The following YIPF4 variants were observed in gnomAD, a reference collection of about 807,000 sequenced individuals.
The protein encoded by YIPF4 is protein YIPF4.
A neutral mutation model predicts 29.4 loss-of-function variants in YIPF4; 18 were observed. That is an observed-to-expected ratio of 0.61 (90% CI 0.42 to 0.91). The LOEUF is 0.91. YIPF4 is among the 40% of genes least tolerant of loss of function. The probability of loss-of-function intolerance (pLI) is 0.00; values close to 1 mark genes in which losing one functional copy is unlikely to be tolerated. For missense variants in YIPF4, 279 were observed against 282.7 expected (o/e 0.99, Z 0.09); for synonymous variants, 115 against 104.7 (o/e 1.10, Z -0.60).
At chr2:32,279,394 C>CTTTTTTT (rs35036420) in intron 1 of YIPF4, among the ~76,000 whole-genome samples, 2 of 98,744 alleles carry the variant, frequency 2.0e-5, no homozygotes, top group African/African-American at 4.1e-5. Context: ...CTAGATTTTC[C>CTTTTTTT]TTTTTTTTTT....
In YIPF4 at chr2:32,302,109, TA is replaced by T. The variant is rs553993820; in HGVS notation, c.597+616del. Among the ~76,000 whole-genome samples, 65 of 151,496 alleles carry T rather than the reference TA, an allele frequency of 4.3e-4. No individual in the cohort carries two copies. In the South Asian group the frequency reaches 6.3e-3, roughly 15 times the overall value. ...GCAGTGGCGTGATCTCAGCTCACTG[TA>T]ACCTCTGCCTCCTGGGTTCAAGCCA... On this transcript the variant is annotated intron_variant, in intron 5 of 5. Transcript: ENST00000238831.
chr2:32,279,053 C>G (rs935989116), intron 1 of YIPF4, among the ~76,000 whole-genome samples: 2 of 150,112 alleles, frequency 1.3e-5, no homozygotes, highest in East Asian at 4.0e-4. Context: ...CTGCAAGCTC[C>G]GCCTCCCGGG....
chr2:32,284,317 T>A (rs112875368), intron 1 of YIPF4, among the ~76,000 whole-genome samples: 93 of 152,208 alleles, frequency 6.1e-4, no homozygotes, highest in African/African-American at 2.2e-3. Flanking sequence ...GTCTGCAGGA[T>A]CAAGGAAAAT....
intron 1 of YIPF4, among the ~76,000 whole-genome samples, chr2:32,279,442 G>A (rs941330346): frequency 8.2e-6 from 1 of 122,592 alleles, no homozygotes; most frequent in Non-Finnish European, 1.6e-5. Flanking sequence ...CTGTCGCCCA[G>A]GCTGGAGTGC....
intron 1 of YIPF4, among the ~76,000 whole-genome samples, chr2:32,280,586 G>A (rs920317963): frequency 7.9e-5 from 12 of 152,116 alleles, no homozygotes; most frequent in African/African-American, 2.6e-4. Flanking sequence ...GTTTCACTGT[G>A]TTAGCCAGGA....
rs1231226963 is a variant in YIPF4, at chr2:32,312,845, G to C, written c.*7219G>C. On this transcript the variant is annotated 3_prime_UTR_variant, in exon 6 of 6. Transcript: ENST00000238831. ...GTCTCTACTAAAAATACAAAATTTAGCCGGGCGTGGTAGCAGGCGCCTGTA... is the reference window on the plus strand; with the variant it reads ...GTCTCTACTAAAAATACAAAATTTACCCGGGCGTGGTAGCAGGCGCCTGTA... The C allele has an allele frequency of 6.6e-6, 1 of 152,186 alleles. No individual in the cohort carries two copies. Among genetic ancestry groups the C allele is most frequent in the Non-Finnish European group, 1.5e-5 (1 of 68,136 alleles). 9.4% of individuals were successfully genotyped at this position (152,186 alleles called of 1,614,324 possible). A position where few individuals can be genotyped will look rare whatever the true frequency, so the allele number is the denominator to read the frequency against.
intron 3 of YIPF4, among the ~76,000 whole-genome samples, chr2:32,293,036 GATT>G (rs1558477455): frequency 6.7e-6 from 1 of 149,360 alleles, no homozygotes; most frequent in Non-Finnish European, 1.5e-5. Context: ...CCTTTTTTTT[GATT>G]ATTTTTATTT....
chr2:32,295,803 A>G (rs7581906), intron 3 of YIPF4, among the ~76,000 whole-genome samples: 2,055 of 152,170 alleles, frequency 0.014, 53 homozygotes, highest in African/African-American at 0.047. Context: ...GGGTTTCACC[A>G]TGTTAGTCAG....
chr2:32,289,855 A>G (rs1028157404), intron 1 of YIPF4, among the ~76,000 whole-genome samples: 1 of 152,198 alleles, frequency 6.6e-6, no homozygotes, highest in Non-Finnish European at 1.5e-5. Context: ...TGAATGATGT[A>G]ATTATGTGAA....
In YIPF4 at chr2:32,310,069, G is replaced by A. The variant is rs572303988; in HGVS notation, c.*4443G>A. ...TGGCATTCTGAAGCAAGTCTTAACA[G>A]AGCTAAAAATCACCCTTACCCAATT... On this transcript the variant is annotated 3_prime_UTR_variant, in exon 6 of 6. Transcript: ENST00000238831. The A allele has an allele frequency of 2.0e-5, 3 of 152,264 alleles. No homozygotes were observed. The East Asian group carries it at 5.8e-4, about 29-fold the overall frequency. The allele number at this position is 152,264 out of a possible 1,614,324, so 9.4% of individuals were successfully genotyped here.
chr2:32,290,027 C>T (rs989204283), intron 1 of YIPF4, among the ~76,000 whole-genome samples: 6 of 151,994 alleles, frequency 3.9e-5, no homozygotes, highest in East Asian at 1.9e-4. Flanking sequence ...AAATTATCTA[C>T]GAATTTCCTT....
chr2:32,292,030 A>G (rs2030939806), intron 2 of YIPF4, 147 bp from the exon 3 acceptor site: 6 of 474,278 alleles, frequency 1.3e-5, no homozygotes, highest in Admixed American at 4.0e-5. Flanking sequence ...GCTTGGAATT[A>G]GTGAAATGTG....
intron 5 of YIPF4, among the ~76,000 whole-genome samples, chr2:32,303,155 A>C (rs753802259): frequency 7.9e-5 from 12 of 152,182 alleles, no homozygotes; most frequent in Non-Finnish European, 1.5e-4. Context: ...ACTTGAGCTC[A>C]GGAGTTTGAA....
At chr2:32,299,993 G>A (rs1385081706) in intron 4 of YIPF4, among the ~76,000 whole-genome samples, 1 of 152,070 alleles carries the variant, frequency 6.6e-6, no homozygotes, top group Non-Finnish European at 1.5e-5. Flanking sequence ...ATTGCTGGGC[G>A]CGGTAGCTCA....
At chr2:32,283,326 G>T (rs561593202) in intron 1 of YIPF4, among the ~76,000 whole-genome samples, 29 of 152,110 alleles carry the variant, frequency 1.9e-4, no homozygotes, top group African/African-American at 7.0e-4. Context: ...TTTTTATAGT[G>T]TTTTTTAACC....
rs947407624 is a variant in YIPF4, at chr2:32,307,924, C to T, written c.*2298C>T. ...CCAGCCTGGGTAACAGAGCAAGACT[C>T]TCTCAAAAAAAAAAAAAAAAAAAAA... On this transcript the variant is annotated 3_prime_UTR_variant, in exon 6 of 6. Coordinates refer to ENST00000238831, the MANE Select transcript of YIPF4 (RefSeq NM_032312.4). The T allele has an allele frequency of 2.7e-4, 20 of 74,414 alleles. No homozygotes were observed. Among genetic ancestry groups the T allele is most frequent in the African/African-American group, 1.2e-3 (20 of 16,792 alleles). 4.6% of individuals were successfully genotyped at this position (74,414 alleles called of 1,614,324 possible). A position where few individuals can be genotyped will look rare whatever the true frequency, so the allele number is the denominator to read the frequency against.
chr2:32,309,355 A>G lies in YIPF4; in HGVS notation c.*3729A>G, dbSNP rs916130300. On this transcript the variant is annotated 3_prime_UTR_variant, in exon 6 of 6. Coordinates refer to ENST00000238831, the MANE Select transcript of YIPF4 (RefSeq NM_032312.4). The stretch of plus-strand genomic sequence containing the variant: ...AAACTCAACCACTGTATTTCTGCAC[A>G]TATTCCAAAATCTGAAAAAGTCTGA... 2.0e-4 allele frequency: 30 copies of G among 152,210 alleles called. No individual in the cohort carries two copies. Among genetic ancestry groups the G allele is most frequent in the African/African-American group, 6.5e-4 (27 of 41,442 alleles). 9.4% of individuals were successfully genotyped at this position (152,210 alleles called of 1,614,324 possible).
rs1204526047 is a variant in YIPF4 at position 32,306,068 on chromosome 2, T to C, written c.*442T>C. ...ATATATTTATATTTATACATATATATTTATGAAATAATTCTTACTCACAAA... is the reference window on the plus strand; with the variant it reads ...ATATATTTATATTTATACATATATACTTATGAAATAATTCTTACTCACAAA... On this transcript the variant is annotated 3_prime_UTR_variant, in exon 6 of 6. Transcript: ENST00000238831. 3.7e-6 allele frequency: 3 copies of C among 815,698 alleles called. No homozygotes were observed. Among genetic ancestry groups the C allele is most frequent in the Non-Finnish European group, 4.4e-6 (3 of 675,558 alleles). The allele number at this position is 815,698 out of a possible 1,614,324, so 50.5% of individuals were successfully genotyped here.
chr2:32,297,616 G>C (rs2031246910), intron 3 of YIPF4, among the ~76,000 whole-genome samples: 1 of 151,794 alleles, frequency 6.6e-6, no homozygotes, highest in Non-Finnish European at 1.5e-5. Flanking sequence ...AAATAAATAA[G>C]TACATGACCA....
Sources: allele counts gnomAD v4.1 joint callset (sites outside exome capture counted in the v4.1 genomes callset), GRCh38; gene constraint gnomAD v4.1.1; transcripts MANE v1.5; gene names NCBI Gene and HGNC (gene_info 2026-07-23, HGNC 2026-07-21).